CFAP144: variants seen among roughly 807,000 people sequenced by gnomAD.
CFAP144 encodes the protein cilia and flagella associated protein 144.
At chr1:43,145,208 G>A in the CFAP144 span, 1 of 1,509,454 alleles carries the variant, frequency 6.6e-7, no homozygotes, top group Non-Finnish European at 9.0e-7. Context: ...ACGGAACTTG[G>A]TCTGTAGCCA....
the CFAP144 span, chr1:43,152,615 C>T: frequency 3.3e-5 from 16 of 479,876 alleles, no homozygotes; most frequent in East Asian, 2.8e-4. Context: ...CTATGCCCAG[C>T]GCCCGGAAGC....
At chr1:43,151,934 G>A in the CFAP144 span, among the ~76,000 whole-genome samples, 1 of 152,182 alleles carries the variant, frequency 6.6e-6, no homozygotes, top group East Asian at 1.9e-4. Flanking sequence ...AATAGAACAG[G>A]AAATGAGGGT....
the CFAP144 span, among the ~76,000 whole-genome samples, chr1:43,143,541 C>T: frequency 6.6e-6 from 1 of 152,130 alleles, no homozygotes. Flanking sequence ...GAATGGTCAG[C>T]AGAGGGGGTT....
the CFAP144 span, among the ~76,000 whole-genome samples, chr1:43,154,149 TTC>T: frequency 2.0e-4 from 28 of 142,568 alleles, no homozygotes; most frequent in Non-Finnish European, 2.5e-4. Flanking sequence ...TATATATATA[TTC>T]TCTCTTTTTA....
the CFAP144 span, among the ~76,000 whole-genome samples, chr1:43,151,084 T>C: frequency 6.6e-6 from 1 of 152,214 alleles, no homozygotes; most frequent in South Asian, 2.1e-4. Flanking sequence ...CCAACTAACG[T>C]TCCTATTGAC....
the CFAP144 span, chr1:43,145,438 C>A: frequency 1.5e-6 from 1 of 684,866 alleles, no homozygotes; most frequent in South Asian, 1.8e-5. Flanking sequence ...CCATTTTCTT[C>A]ATCCTAGGAT....
At chr1:43,150,658 C>T in the CFAP144 span, 5 of 958,084 alleles carry the variant, frequency 5.2e-6, no homozygotes, top group South Asian at 1.4e-5. Flanking sequence ...GTACCAGATA[C>T]TCAGTGAGTG....
chr1:43,147,645 C>T, the CFAP144 span, among the ~76,000 whole-genome samples: 2 of 152,196 alleles, frequency 1.3e-5, no homozygotes, highest in South Asian at 2.1e-4. Context: ...TGCCCCTTGC[C>T]GGGAAGCCCT....
At chr1:43,155,450 A>G in the CFAP144 span, among the ~76,000 whole-genome samples, 1 of 152,204 alleles carries the variant, frequency 6.6e-6, no homozygotes, top group Non-Finnish European at 1.5e-5. Flanking sequence ...CACAGAGTGC[A>G]TGTGTCTCCA....
chr1:43,154,085 T>C, the CFAP144 span, among the ~76,000 whole-genome samples: 1 of 134,132 alleles, frequency 7.5e-6, no homozygotes, highest in Non-Finnish European at 1.5e-5. Flanking sequence ...TATATATATA[T>C]ATATATATAT....
the CFAP144 span, chr1:43,152,894 C>A: frequency 6.2e-7 from 1 of 1,613,558 alleles, no homozygotes; most frequent in Non-Finnish European, 8.5e-7. Flanking sequence ...GAGACACAGA[C>A]TGAAAACCAG....
the CFAP144 span, among the ~76,000 whole-genome samples, chr1:43,148,263 T>G: frequency 6.6e-6 from 1 of 152,210 alleles, no homozygotes; most frequent in African/African-American, 2.4e-5. Context: ...TCAGATGTAT[T>G]CGCTGTATTA....
At chr1:43,156,305 C>T in the CFAP144 span, 2 of 1,612,922 alleles carry the variant, frequency 1.2e-6, no homozygotes, top group South Asian at 2.2e-5. Flanking sequence ...AGATGATCAC[C>T]ACAAGTAGCA....
the CFAP144 span, chr1:43,150,715 C>T: frequency 2.0e-6 from 3 of 1,534,352 alleles, no homozygotes; most frequent in Non-Finnish European, 2.7e-6. Flanking sequence ...GGGCAGGGAA[C>T]TCATGTTTTA....
the CFAP144 span, chr1:43,152,926 C>A: frequency 1.9e-6 from 3 of 1,611,356 alleles, no homozygotes; most frequent in Non-Finnish European, 2.5e-6. Flanking sequence ...GGACTTAGAG[C>A]CCTTGGTAAG....
chr1:43,147,800 G>A, the CFAP144 span: 1 of 1,494,902 alleles, frequency 6.7e-7, no homozygotes, highest in African/African-American at 1.4e-5. Context: ...CAGGGTAAGG[G>A]GCTGGCAGAG....
At chr1:43,145,094 T>C in the CFAP144 span, 7 of 646,886 alleles carry the variant, frequency 1.1e-5, no homozygotes, top group Admixed American at 1.4e-4. Flanking sequence ...GGCAATCCTC[T>C]TCAGATGCCA....
At chr1:43,150,189 C>G in the CFAP144 span, among the ~76,000 whole-genome samples, 1 of 152,178 alleles carries the variant, frequency 6.6e-6, no homozygotes, top group Non-Finnish European at 1.5e-5. Context: ...CCTGTCACCA[C>G]AAATAGAGTA....
the CFAP144 span, among the ~76,000 whole-genome samples, chr1:43,146,151 C>T: frequency 6.6e-6 from 1 of 152,150 alleles, no homozygotes; most frequent in Non-Finnish European, 1.5e-5. Context: ...AATAGTTCTG[C>T]CCACAGATGG....
Sources: gnomAD v4.1 joint callset for allele counts (sites outside exome capture counted in the v4.1 genomes callset) on GRCh38, gnomAD v4.1.1 for gene constraint, MANE v1.5 for transcripts, NCBI Gene and HGNC (gene_info 2026-07-23, HGNC 2026-07-21) for gene names.